Variants in SLC4A7 observed in about 807,000 individuals in gnomAD.
SLC4A7 encodes sodium bicarbonate cotransporter 3.
A neutral mutation model predicts 137.6 loss-of-function variants in SLC4A7; 51 were observed. The ratio of observed to expected loss-of-function variants is 0.37; its 90% confidence interval spans 0.30 to 0.47. The LOEUF is 0.47. Ranked by LOEUF, SLC4A7 falls within the 20% of genes least tolerant of loss-of-function variation. The pLI, the probability that SLC4A7 is intolerant of heterozygous loss-of-function variation, is 1.00. For missense variants in SLC4A7, 1,247 were observed against 1,525.4 expected (o/e 0.82, Z 3.04); for synonymous variants, 542 against 518.6 (o/e 1.05, Z -0.61).
At chr3:27,478,241 G>GGTGC (rs1388447283) in intron 1 of SLC4A7, among the ~76,000 whole-genome samples, 1 of 152,082 alleles carries the variant, frequency 6.6e-6, no homozygotes, top group Non-Finnish European at 1.5e-5. Context: ...AAGCGGGCAG[G>GGTGC]GTGCGGTGGC....
intron 7 of SLC4A7, 97 bp downstream of exon 7, chr3:27,431,201 T>A: frequency 1.7e-6 from 2 of 1,208,906 alleles, no homozygotes; most frequent in Non-Finnish European, 2.2e-6. Context: ...ATAAGCATTA[T>A]CTACATATGC....
intron 5 of SLC4A7, among the ~76,000 whole-genome samples, chr3:27,434,909 T>G (rs2056615100): frequency 6.6e-6 from 1 of 152,064 alleles, no homozygotes; most frequent in South Asian, 2.1e-4. Context: ...AGCAAACAAA[T>G]GAACACTAGA....
chr3:27,443,236 G>T (rs1366693505), intron 3 of SLC4A7, among the ~76,000 whole-genome samples: 1 of 151,650 alleles, frequency 6.6e-6, no homozygotes, highest in Non-Finnish European at 1.5e-5. Flanking sequence ...CACCATGTTG[G>T]CCAGGCTGGT....
chr3:27,417,723 C>T (rs539356958), intron 11 of SLC4A7, among the ~76,000 whole-genome samples: 25 of 152,266 alleles, frequency 1.6e-4, no homozygotes, highest in African/African-American at 5.5e-4. Flanking sequence ...CATTGCCCTC[C>T]AGCCTGGGTG....
At chr3:27,390,139 T>C in intron 21 of SLC4A7, 35 bp from the exon 22 acceptor site, 1 of 1,321,452 alleles carries the variant, frequency 7.6e-7, no homozygotes, top group South Asian at 1.3e-5. Context: ...AAGTTTTCAA[T>C]AAAATATTTC....
intron 11 of SLC4A7, among the ~76,000 whole-genome samples, chr3:27,416,677 G>A (rs1161849673): frequency 1.3e-5 from 2 of 152,130 alleles, no homozygotes; most frequent in Admixed American, 6.5e-5. Flanking sequence ...AGGGTCAACT[G>A]TGTATGTATA....
intron 1 of SLC4A7, chr3:27,456,644 T>C (rs529421175): frequency 1.9e-6 from 3 of 1,540,654 alleles, no homozygotes; most frequent in Non-Finnish European, 2.7e-6. Flanking sequence ...CATAATTAGG[T>C]ACATACAGGT....
At chr3:27,461,797 CAAA>C (rs11353094) in intron 1 of SLC4A7, among the ~76,000 whole-genome samples, 5 of 136,004 alleles carry the variant, frequency 3.7e-5, no homozygotes, top group Non-Finnish European at 3.2e-5. Flanking sequence ...CCATCTCCAC[CAAA>C]AAAAAAAAAA....
chr3:27,438,120 C>CCAGAAGGCG, intron 3 of SLC4A7, among the ~76,000 whole-genome samples: 1 of 150,698 alleles, frequency 6.6e-6, no homozygotes, highest in East Asian at 1.9e-4. Flanking sequence ...TCGCTTGAAC[C>CCAGAAGGCG]TGGGAAGTGG....
rs368963217 is a variant in SLC4A7, at chr3:27,383,192, C to G, written c.3551G>C (p.Gly1184Ala). 7.4e-6 allele frequency: 12 copies of G among 1,613,252 alleles called. No homozygotes were observed. The highest frequency in any genetic ancestry group is 1.0e-5 in the Non-Finnish European group (12 of 1,179,236). The change falls in exon 24 of 26, where the codon GGA (glycine) becomes GCA (alanine). Residue 1184 changes from glycine (G) to alanine (A), a missense_variant. By Grantham distance (60) the Gly-to-Ala change is moderately conservative. Transcript: ENST00000454389. ...DDTVHLPFEGGSLLQIPVKAL... is the reference protein window; with the variant it reads ...DDTVHLPFEGASLLQIPVKAL... ...CTTGACTGGAATTTGCAAGAGACTT[C>G]CCCCTTCAAATGGAAGGTGCACAGT...
In SLC4A7 at chr3:27,375,181, T is replaced by G. The variant is rs1391500745; in HGVS notation, c.*1583A>C. 6.6e-6 allele frequency: 1 copy of G among 152,060 alleles called. No homozygotes were observed. Among genetic ancestry groups the G allele is most frequent in the Admixed American group, 6.6e-5 (1 of 15,256 alleles). The allele number at this position is 152,060 out of a possible 1,614,324, so 9.4% of individuals were successfully genotyped here. A position where few individuals can be genotyped will look rare whatever the true frequency, so the allele number is the denominator to read the frequency against. The stretch of plus-strand genomic sequence containing the variant: ...ACCAGACTTGCTAAAATTTCAGCTT[T>G]TGGCATTCCTCATGATCCTTTATTA... On this transcript the variant is annotated 3_prime_UTR_variant, in exon 26 of 26. Transcript: ENST00000454389.
intron 16 of SLC4A7, among the ~76,000 whole-genome samples, chr3:27,399,317 C>T (rs2052519051): frequency 6.6e-6 from 1 of 152,186 alleles, no homozygotes; most frequent in Non-Finnish European, 1.5e-5. Context: ...TCTGACCCAT[C>T]ATGAAATGAA....
intron 18 of SLC4A7, among the ~76,000 whole-genome samples, chr3:27,395,528 G>A (rs545848048): frequency 9.9e-5 from 15 of 152,242 alleles, no homozygotes; most frequent in Middle Eastern, 3.4e-3. Context: ...GCTTTCTTGA[G>A]GATAAGACTA....
intron 23 of SLC4A7, among the ~76,000 whole-genome samples, chr3:27,385,270 G>T (rs966876358): frequency 6.6e-6 from 1 of 151,944 alleles, no homozygotes; most frequent in South Asian, 2.1e-4. Context: ...CTTATTAACC[G>T]ATACTATCGA....
intron 3 of SLC4A7, among the ~76,000 whole-genome samples, chr3:27,439,778 G>A (rs1375086489): frequency 6.6e-6 from 1 of 152,042 alleles, no homozygotes; most frequent in African/African-American, 2.4e-5. Context: ...TCATCAGAGA[G>A]GACATCCTTT....
At chr3:27,380,163 C>A (rs113975192) in intron 24 of SLC4A7, among the ~76,000 whole-genome samples, 23,170 of 151,872 alleles carry the variant, frequency 0.15, 1,952 homozygotes, top group South Asian at 0.27. Flanking sequence ...AAAAATTAGC[C>A]GGGTACGGTG....
intron 10 of SLC4A7, among the ~76,000 whole-genome samples, chr3:27,419,595 C>T (rs946098678): frequency 1.3e-5 from 2 of 150,360 alleles, no homozygotes; most frequent in Non-Finnish European, 3.0e-5. Flanking sequence ...CTCGGCCTCC[C>T]AAAGTGCTGG....
rs984696798 is a variant in SLC4A7, at chr3:27,394,836, G to A, written c.2866-67C>T. 9.5e-5 allele frequency: 148 copies of A among 1,556,810 alleles called. 1 individual carries two copies. The highest frequency in any genetic ancestry group is 2.9e-4 in the South Asian group (24 of 81,984). On this transcript the variant is annotated intron_variant, in intron 19 of 25. Transcript: ENST00000454389. ...GTTCCCTCAATTTAAAATTCTACAC[G>A]AATTATAAAGAGGGAAGAAGCTAAT...
chr3:27,424,240 G>T (rs749821091), intron 7 of SLC4A7, 88 bp from the exon 8 acceptor site: 1 of 648,052 alleles, frequency 1.5e-6, no homozygotes. Flanking sequence ...GATGATTTAT[G>T]AATATTATAA....
Sources: gnomAD v4.1 joint callset for allele counts (sites outside exome capture counted in the v4.1 genomes callset) on GRCh38, gnomAD v4.1.1 for gene constraint, MANE v1.5 for transcripts, NCBI Gene and HGNC (gene_info 2026-07-23, HGNC 2026-07-21) for gene names.